Variants in SPON2 observed in about 807,000 individuals in gnomAD.
SPON2 encodes the protein spondin-2.
SPON2 carries 32 observed loss-of-function variants against 29.9 expected under a neutral mutation model. The observed-to-expected ratio is 1.07, with a 90% CI of 0.81 to 1.44. SPON2 has a LOEUF of 1.44. Ranked by LOEUF, SPON2 falls within the 40% of genes most tolerant of loss-of-function variation. The pLI is 0.00. For synonymous variants in SPON2, 248 were observed against 209.1 expected (o/e 1.19, Z -1.61); for missense variants, 541 against 455.5 (o/e 1.19, Z -1.71).
At position 1,172,524 on chromosome 4, in the gene SPON2, CG is replaced by C; in HGVS notation, c.-4+19del. 2 of 186,832 alleles carry C rather than the reference CG, an allele frequency of 1.1e-5. No individual in the cohort carries two copies. Among genetic ancestry groups the C allele is most frequent in the Non-Finnish European group, 1.1e-5 (1 of 90,396 alleles). The allele number at this position is 186,832 out of a possible 1,614,324, so 11.6% of individuals were successfully genotyped here. A position where few individuals can be genotyped will look rare whatever the true frequency, so the allele number is the denominator to read the frequency against. On this transcript the variant is annotated intron_variant, in intron 1 of 5. Transcript: ENST00000290902. ...AGGCCCGGGCCCTCTCTGGGTGTCC[CG>C]GGGGCACGCAGTACTCACCCGGCAG...
chr4:1,177,607 C>T (rs565046090), upstream of SPON2, among the ~76,000 whole-genome samples: 5 of 152,096 alleles, frequency 3.3e-5, no homozygotes, highest in Non-Finnish European at 5.9e-5. Flanking sequence ...GGCCCTGCCC[C>T]GGGCCCCAGA....
intron 1 of SPON2, among the ~76,000 whole-genome samples, chr4:1,186,934 T>C (rs534922774): frequency 2.2e-4 from 33 of 152,276 alleles, no homozygotes; most frequent in Non-Finnish European, 4.3e-4. Flanking sequence ...GATGGGAATA[T>C]AAAATGACAC....
At position 1,202,832 on chromosome 4, in the gene SPON2, G is replaced by A. The variant is rs1728246465; in HGVS notation, c.-234+5048C>T. Among the ~76,000 whole-genome samples the A allele has an allele frequency of 6.6e-6, 1 of 152,192 alleles. No homozygotes were observed. Among genetic ancestry groups the A allele is most frequent in the Non-Finnish European group, 1.5e-5 (1 of 68,040 alleles). On this transcript the variant is annotated intron_variant, in intron 1 of 3. Transcript: ENST00000509233. This position sits in a 1 kb window ranked among gnomAD's most constrained non-coding sequence, Gnocchi z 5.4. ...CCTGCAGTGTCAGCGCCCCGTGGAT[G>A]CCGTCAAGGCCCCCCGCATGTGCCT...
chr4:1,175,299 C>A (rs1727570607), upstream of SPON2, among the ~76,000 whole-genome samples: 1 of 152,228 alleles, frequency 6.6e-6, no homozygotes, highest in Non-Finnish European at 1.5e-5. Flanking sequence ...AGGCACAGTC[C>A]CCATCTCAGT....
At chr4:1,195,386 T>C (rs1314336732), upstream of SPON2, among the ~76,000 whole-genome samples, 1 of 151,808 alleles carries the variant, frequency 6.6e-6, no homozygotes, top group Non-Finnish European at 1.5e-5. Flanking sequence ...ATCAGCTTGG[T>C]GGCCCTGGCC....
chr4:1,168,058 C>A (rs1216672305), intron 5 of SPON2: 1 of 187,776 alleles, frequency 5.3e-6, no homozygotes, highest in African/African-American at 2.3e-5. Flanking sequence ...GACAGGGGCA[C>A]CTGATTAGCT....
At chr4:1,172,114 C>T (rs768311959) in intron 1 of SPON2, 40 bp from the exon 2 acceptor site, 10 of 1,571,254 alleles carry the variant, frequency 6.4e-6, no homozygotes, top group Middle Eastern at 2.3e-4. Context: ...CTGGCACCGT[C>T]GTGGCAGCCT....
chr4:1,171,803 G>T, intron 2 of SPON2, 49 bp downstream of exon 2: 1 of 1,373,532 alleles, frequency 7.3e-7, no homozygotes, highest in Non-Finnish European at 1.0e-6. Context: ...GGGCTCCGGC[G>T]CCGCAGCCCT....
chr4:1,186,761 A>T (rs902546111), intron 1 of SPON2, among the ~76,000 whole-genome samples: 1 of 152,246 alleles, frequency 6.6e-6, no homozygotes, highest in South Asian at 2.1e-4. Context: ...ATGGTCAATA[A>T]GCAAATGAAG....
intron 1 of SPON2, among the ~76,000 whole-genome samples, chr4:1,189,916 G>A (rs1727878209): frequency 6.7e-6 from 1 of 150,080 alleles, no homozygotes; most frequent in Non-Finnish European, 1.5e-5. Context: ...TTGAACCCAG[G>A]AGGCAGAGCT....
In SPON2 at chr4:1,171,880, G is replaced by T. The variant is rs1483037412; in HGVS notation, c.192C>A (p.Arg64=). 2 of 1,612,872 alleles carry T rather than the reference G, an allele frequency of 1.2e-6. No individual in the cohort carries two copies. Among genetic ancestry groups the T allele is most frequent in the Admixed American group, 1.7e-5 (1 of 60,026 alleles). Residue 64 remains arginine, a synonymous_variant, in exon 2 of 6, where the codon CGC becomes CGA. Transcript: ENST00000290902. ...TAFPKQYPLF[R]PPAQWSSLLG... ...GCAGCGAAGACCACTGCGCAGGGGG[G>T]CGGAACAGGGGGTACTGCTTGGGGA...
At position 1,178,531 on chromosome 4, in the gene SPON2, T is replaced by A. The variant is rs376809744; in HGVS notation, c.-145+917A>T. Among the ~76,000 whole-genome samples, 14 of 152,244 alleles carry A rather than the reference T, an allele frequency of 9.2e-5. No homozygotes were observed. The East Asian group carries it at 1.2e-3, about 13-fold the overall frequency. The stretch of plus-strand genomic sequence containing the variant: ...CCTCCCTGGCCAAGACACCCCTGGC[T>A]GCTCACACCTCAGGGCCTTTGCACG... On this transcript the variant is annotated intron_variant, in intron 2 of 3. Coordinates refer to the SPON2 transcript ENST00000502483.
At chr4:1,170,657 G>T in intron 4 of SPON2, 81 bp from the exon 5 acceptor site, 1 of 1,456,548 alleles carries the variant, frequency 6.9e-7, no homozygotes, top group Non-Finnish European at 9.4e-7. Context: ...TGGGGCCACT[G>T]CCCAGCGTCC....
upstream of SPON2, among the ~76,000 whole-genome samples, chr4:1,177,088 C>T (rs1560204830): frequency 6.6e-6 from 1 of 152,214 alleles, no homozygotes; most frequent in Non-Finnish European, 1.5e-5. Flanking sequence ...AGGACAGGGC[C>T]TTCCTGGAGG....
upstream of SPON2, among the ~76,000 whole-genome samples, chr4:1,197,855 C>G (rs953172289): frequency 2.0e-5 from 3 of 152,060 alleles, no homozygotes; most frequent in Non-Finnish European, 4.4e-5. Context: ...TTGAGACCAT[C>G]CTGGCCAATA....
rs376213322 is a variant in SPON2, at chr4:1,170,528, G to T, written c.685C>A (p.Arg229=). Residue 229 remains arginine (R), a synonymous_variant, in exon 5 of 6, where the codon CGG becomes AGG. Transcript: ENST00000290902. ...GCGATGGGAGGCAGGGCCTTCAGCCGCGGGTAGTAGAAGGAGTTGGCCGGG... is the reference window on the plus strand; with the variant it reads ...GCGATGGGAGGCAGGGCCTTCAGCCTCGGGTAGTAGAAGGAGTTGGCCGGG... ...SHPANSFYYP[R]LKALPPIARV... is the part of the protein sequence containing the mutation. 2.4e-5 allele frequency: 38 copies of T among 1,613,846 alleles called. No individual in the cohort carries two copies. The Middle Eastern group carries it at 4.9e-4, about 21-fold the overall frequency.
chr4:1,200,353 G>A (rs866921389), intron 1 of SPON2, among the ~76,000 whole-genome samples: 3 of 152,256 alleles, frequency 2.0e-5, no homozygotes, highest in African/African-American at 7.2e-5. Flanking sequence ...AGCTTCAGGG[G>A]TGAGCAGGGT....
At chr4:1,171,660 C>T in intron 2 of SPON2, 174 bp from the exon 3 acceptor site, 1 of 774,694 alleles carries the variant, frequency 1.3e-6, no homozygotes, top group South Asian at 1.8e-5. Flanking sequence ...CTGCGCCCTC[C>T]CCGTGAGCGC....
At chr4:1,171,219 GC>G (rs1215069001) in intron 3 of SPON2, 29 bp from the exon 4 acceptor site, 5 of 1,448,798 alleles carry the variant, frequency 3.5e-6, no homozygotes, top group Middle Eastern at 2.2e-4. Context: ...AGCGCGCCTG[GC>G]CCCGGCCCCC....
Sources: gnomAD v4.1 joint callset for allele counts (sites outside exome capture counted in the v4.1 genomes callset) on GRCh38, gnomAD v4.1.1 for gene constraint, Gnocchi (gnomAD v3.1) non-coding constraint, MANE v1.5 for transcripts, NCBI Gene and HGNC (gene_info 2026-07-23, HGNC 2026-07-21) for gene names.